The following FOXJ2 variants were observed in gnomAD, a reference collection of about 807,000 sequenced individuals.
The protein encoded by FOXJ2 is forkhead box protein J2.
In FOXJ2, 18 loss-of-function variants were observed where a neutral mutation model predicts 68.4. The observed-to-expected ratio is 0.26, with a 90% CI of 0.18 to 0.39. The LOEUF (loss-of-function observed/expected upper bound fraction) is 0.39, where lower values mean the gene tolerates loss of function less well. Among genes scored for constraint, FOXJ2 ranks in the 10% least tolerant of loss-of-function variants. The pLI is 1.00. For missense variants in FOXJ2, 670 were observed against 726.5 expected (o/e 0.92, Z 0.89); for synonymous variants, 274 against 263.2 (o/e 1.04, Z -0.40).
At chr12:8,043,671 G>A in intron 3 of FOXJ2, 30 bp from the exon 4 acceptor site, 1 of 1,612,728 alleles carries the variant, frequency 6.2e-7, no homozygotes, top group Non-Finnish European at 8.5e-7. Flanking sequence ...TAACAATTTT[G>A]TTTTCTGTGG....
chr12:8,037,005 C>T (rs1318376677), intron 1 of FOXJ2, among the ~76,000 whole-genome samples: 1 of 152,196 alleles, frequency 6.6e-6, no homozygotes, highest in Admixed American at 6.5e-5. Flanking sequence ...AGGAAAATCG[C>T]TTGAACCTAG....
intron 10 of FOXJ2, among the ~76,000 whole-genome samples, chr12:8,051,613 C>T (rs1947127509): frequency 6.6e-6 from 1 of 152,144 alleles, no homozygotes; most frequent in Admixed American, 6.5e-5. Flanking sequence ...GCTTTCCTGT[C>T]ACCTGATCTC....
chr12:8,037,453 G>A (rs11057002), intron 1 of FOXJ2, among the ~76,000 whole-genome samples: 97,569 of 152,052 alleles, frequency 0.64, 32,966 homozygotes, highest in Non-Finnish European at 0.76. Context: ...AGGGAAGGGC[G>A]TAGAACAACT....
Position 8,052,811 on chromosome 12 carries a change from GGAGATCCCTGATGA to G in FOXJ2, c.1687_1700del (p.Glu563LeufsTer63). 6.2e-7 allele frequency: 1 copy of G among 1,610,636 alleles called. No homozygotes were observed. The highest frequency in any genetic ancestry group is 8.5e-7 in the Non-Finnish European group (1 of 1,178,142). On this transcript the variant is annotated frameshift_variant, in exon 11 of 11. Transcript: ENST00000162391. LOFTEE classifies it high-confidence loss of function. The stretch of plus-strand genomic sequence containing the variant: ...CAGTGCCACCTCCTGGTGCCAATGA[GGAGATCCCTGATGA>G]CTTCGACTGGGACTTGATCACTTAG...
intron 6 of FOXJ2, among the ~76,000 whole-genome samples, chr12:8,046,102 A>C (rs1312531029): frequency 1.3e-5 from 2 of 152,214 alleles, no homozygotes. Context: ...TAATAGCTTC[A>C]GAAAGTGAAT....
chr12:8,050,446 T>A, intron 9 of FOXJ2, 76 bp from the exon 10 acceptor site: 1 of 1,553,940 alleles, frequency 6.4e-7, no homozygotes, highest in Non-Finnish European at 8.7e-7. Flanking sequence ...CAAGGGTATA[T>A]TTTTTTCTTC....
Position 8,043,702 on chromosome 12 carries a change from G to T in FOXJ2, c.410G>T (p.Gly137Val). 1.2e-6 allele frequency: 2 copies of T among 1,614,156 alleles called. No individual in the cohort carries two copies. Among genetic ancestry groups the T allele is most frequent in the Non-Finnish European group, 1.7e-6 (2 of 1,180,020 alleles). Residue 137 changes from glycine to valine, a missense_variant and splice_region_variant, in exon 4 of 11, where the codon GGT becomes GTT. Gly to Val is a moderately radical substitution (Grantham distance 109). This residue lies in a region of FOXJ2 where 555 missense variants were observed against 562.2 expected (regional missense o/e 0.99). Transcript: ENST00000162391. The stretch of plus-strand genomic sequence containing the variant: ...TGTGGGAATGGGATCTCCTTCCAGG[G>T]TTCCTATTGGACAATTGACACCTGC... ...VPRPRDDPGKGSYWTIDTCPD... is the reference protein window; with the variant it reads ...VPRPRDDPGKVSYWTIDTCPD...
intron 6 of FOXJ2, 35 bp from the exon 7 acceptor site, chr12:8,047,847 C>G: frequency 1.3e-6 from 2 of 1,545,580 alleles, no homozygotes; most frequent in Non-Finnish European, 8.8e-7. Flanking sequence ...AAATGCATTG[C>G]TTAAGTCACT....
intron 8 of FOXJ2, among the ~76,000 whole-genome samples, 159 bp from the exon 9 acceptor site, chr12:8,049,203 T>A (rs773431643): frequency 6.6e-6 from 1 of 152,154 alleles, no homozygotes; most frequent in South Asian, 2.1e-4. Flanking sequence ...AGAATGAGAG[T>A]TTGAAAATGC....
chr12:8,050,818 C>CTCCCCTCCCT (rs1565631362), intron 10 of FOXJ2, among the ~76,000 whole-genome samples, 198 bp downstream of exon 10: 1 of 145,388 alleles, frequency 6.9e-6, no homozygotes, highest in African/African-American at 2.6e-5. Flanking sequence ...ACAGTGTCCC[C>CTCCCCTCCCT]TCCCCTCCCT....
intron 6 of FOXJ2, among the ~76,000 whole-genome samples, chr12:8,046,509 C>T (rs1591579430): frequency 6.6e-6 from 1 of 152,152 alleles, no homozygotes; most frequent in East Asian, 1.9e-4. Context: ...AGTTATCTAC[C>T]ATGACATTAT....
At chr12:8,043,631 A>T in intron 3 of FOXJ2, 70 bp from the exon 4 acceptor site, 1 of 1,518,418 alleles carries the variant, frequency 6.6e-7, no homozygotes, top group Non-Finnish European at 9.1e-7. Context: ...GCTCTTCATT[A>T]ATACCCAGAA....
At chr12:8,041,879 AT>A (rs112462519) in intron 2 of FOXJ2, among the ~76,000 whole-genome samples, 422 of 135,804 alleles carry the variant, frequency 3.1e-3, no homozygotes, top group Middle Eastern at 7.7e-3. Context: ...CAACACACAC[AT>A]TTTTTTTTTT....
At chr12:8,043,824 C>T in intron 4 of FOXJ2, 55 bp downstream of exon 4, 1 of 1,611,884 alleles carries the variant, frequency 6.2e-7, no homozygotes, top group Non-Finnish European at 8.5e-7. Context: ...CTCCTTCCAC[C>T]TCCTCTTATG....
intron 9 of FOXJ2, chr12:8,049,861 G>A (rs747178718): frequency 1.6e-5 from 7 of 429,870 alleles, no homozygotes; most frequent in East Asian, 1.0e-4. Context: ...TTAAATTTGC[G>A]TCTCAGTAAT....
Position 8,048,772 on chromosome 12 carries a change from C to G in FOXJ2, c.1301C>G (p.Ser434Cys). 1.2e-6 allele frequency: 2 copies of G among 1,613,898 alleles called. No homozygotes were observed. The highest frequency in any genetic ancestry group is 1.7e-6 in the Non-Finnish European group (2 of 1,179,920). ...SFKMVNRLNW[S>C]SIEQSQFSEL... The stretch of plus-strand genomic sequence containing the variant: ...AAGATGGTGAATCGGCTCAATTGGT[C>G]CAGCATTGAGCAGTCACAATTCTCA... The change falls in exon 8 of 11, where the codon TCC (serine) becomes TGC (cysteine). Residue 434 changes from serine (S) to cysteine (C), a missense_variant. By Grantham distance (112) the Ser-to-Cys change is moderately radical. This residue lies in a region of FOXJ2 where 555 missense variants were observed against 562.2 expected (regional missense o/e 0.99). Coordinates refer to ENST00000162391, the MANE Select transcript of FOXJ2 (RefSeq NM_018416.3).
rs1173341372 is a variant in FOXJ2, at chr12:8,053,815, A to T, written c.*965A>T. The stretch of plus-strand genomic sequence containing the variant: ...AATGATCTTCCCATCCCTTTTTCCC[A>T]TTCAGCAAATATTAGTTTGTCCTCC... On this transcript the variant is annotated 3_prime_UTR_variant, in exon 11 of 11. Transcript: ENST00000162391. This position sits in a 1 kb window ranked among gnomAD's most constrained non-coding sequence, Gnocchi z 4.1. The T allele has an allele frequency of 2.0e-5, 3 of 152,174 alleles. No homozygotes were observed. The highest frequency in any genetic ancestry group is 2.4e-5 in the African/African-American group (1 of 41,496). The allele number at this position is 152,174 out of a possible 1,614,324, so 9.4% of individuals were successfully genotyped here.
chr12:8,051,563 G>T lies in FOXJ2; in HGVS notation c.1636+943G>T, dbSNP rs151054817. On this transcript the variant is annotated intron_variant, in intron 10 of 10. Transcript: ENST00000162391. ...GAAGATGTGCTCAGGCAAATAAAAT[G>T]AATTTGTTATCCACACATACTTGCT... is the stretch of plus-strand genomic sequence containing the variant. 1.5e-3 allele frequency among the ~76,000 whole-genome samples: 233 copies of T among 152,306 alleles called. 2 individuals carry two copies. Among genetic ancestry groups the T allele is most frequent in the Admixed American group, 7.6e-3 (117 of 15,302 alleles).
At position 8,048,018 on chromosome 12, in the gene FOXJ2, G is replaced by A. The variant is rs759691330; in HGVS notation, c.954G>A (p.Gln318=). The A allele has an allele frequency of 2.0e-5, 32 of 1,613,418 alleles. No homozygotes were observed. The highest frequency in any genetic ancestry group is 2.6e-5 in the Non-Finnish European group (31 of 1,179,708). The stretch of plus-strand genomic sequence containing the variant: ...CACCTCCCCAGCAGTCCCAGCCACA[G>A]CAGCAGCAGGCACCTGCCCAGGGCC... ...PQPPPQQSQP[Q]QQQAPAQGPS... Residue 318 remains glutamine (Q), a synonymous_variant, in exon 7 of 11, where the codon CAG becomes CAA. Coordinates refer to ENST00000162391, the MANE Select transcript of FOXJ2 (RefSeq NM_018416.3).
Sources: gnomAD v4.1 joint callset for allele counts (sites outside exome capture counted in the v4.1 genomes callset) on GRCh38, gnomAD v4.1.1 for gene constraint, gnomAD v4.1.1 regional missense constraint, Gnocchi (gnomAD v3.1) non-coding constraint, MANE v1.5 for transcripts, NCBI Gene and HGNC (gene_info 2026-07-23, HGNC 2026-07-21) for gene names.